Variants in RBPMS observed in about 807,000 individuals in gnomAD.
RBPMS encodes RNA-binding protein with multiple splicing.
A neutral mutation model predicts 26.8 loss-of-function variants in RBPMS; 7 were observed. The ratio of observed to expected loss-of-function variants is 0.26; its 90% CI spans 0.15 to 0.49. RBPMS has a LOEUF of 0.49. Ranked by LOEUF, RBPMS falls within the 20% of genes least tolerant of loss-of-function variation. The probability of loss-of-function intolerance (pLI) is 0.98; values close to 1 mark genes in which losing one functional copy is unlikely to be tolerated. For synonymous variants in RBPMS, 96 were observed against 93.3 expected, an observed-to-expected ratio of 1.03 and a Z score of -0.17; for missense variants, 186 against 250.0, an observed-to-expected ratio of 0.74 and a Z score of 1.73.
chr8:30,555,862 T>G (rs1320300954), intron 6 of RBPMS: 2 of 984,866 alleles, frequency 2.0e-6, no homozygotes, highest in South Asian at 4.7e-5. Context: ...GAGAGAACCC[T>G]CTCCTCATTA....
intron 5 of RBPMS, among the ~76,000 whole-genome samples, chr8:30,521,701 AC>A (rs1033761140): frequency 1.4e-5 from 2 of 139,366 alleles, no homozygotes; most frequent in East Asian, 2.4e-4. Flanking sequence ...CCTCTCCTCT[AC>A]CCCCCTTTTT....
chr8:30,441,262 G>A (rs923157910), intron 1 of RBPMS, among the ~76,000 whole-genome samples: 1 of 152,098 alleles, frequency 6.6e-6, no homozygotes, highest in African/African-American at 2.4e-5. Flanking sequence ...TCTTTCACTT[G>A]CTCCTAAACA....
chr8:30,498,483 G>A (rs544476413), intron 4 of RBPMS, among the ~76,000 whole-genome samples: 27 of 152,330 alleles, frequency 1.8e-4, no homozygotes, highest in Non-Finnish European at 2.5e-4. Flanking sequence ...CAAGGATGGG[G>A]AGAGACTCCA....
At chr8:30,469,319 A>T (rs1216026195) in intron 1 of RBPMS, among the ~76,000 whole-genome samples, 1 of 152,252 alleles carries the variant, frequency 6.6e-6, no homozygotes, top group Non-Finnish European at 1.5e-5. Context: ...AAATGAGAAG[A>T]CAGTCAATAA....
intron 1 of RBPMS, among the ~76,000 whole-genome samples, chr8:30,428,470 G>A (rs1350823269): frequency 6.6e-6 from 1 of 151,966 alleles, no homozygotes; most frequent in Non-Finnish European, 1.5e-5. Flanking sequence ...AAAAAAATCA[G>A]CAGTGTTAAC....
intron 4 of RBPMS, among the ~76,000 whole-genome samples, chr8:30,482,690 A>C (rs928177091): frequency 6.6e-6 from 1 of 152,178 alleles, no homozygotes; most frequent in East Asian, 1.9e-4. Context: ...GAATAACCCA[A>C]ACCCAGACTT....
At chr8:30,546,866 G>A (rs907050172) in intron 6 of RBPMS, among the ~76,000 whole-genome samples, 3 of 152,210 alleles carry the variant, frequency 2.0e-5, no homozygotes, top group Admixed American at 1.3e-4. Flanking sequence ...GAAGATGGAG[G>A]GAGTTACCCA....
intron 6 of RBPMS, chr8:30,555,856 G>C: frequency 3.0e-6 from 3 of 985,050 alleles, no homozygotes; most frequent in Non-Finnish European, 3.6e-6. Flanking sequence ...GGCTAAGAGA[G>C]AACCCTCTCC....
chr8:30,467,057 C>T (rs1478994183), intron 1 of RBPMS, among the ~76,000 whole-genome samples: 1 of 152,204 alleles, frequency 6.6e-6, no homozygotes, highest in Non-Finnish European at 1.5e-5. Flanking sequence ...ACCTGCTTTT[C>T]TTGAAGTCAG....
chr8:30,525,440 A>T (rs1823475081), intron 5 of RBPMS, among the ~76,000 whole-genome samples: 1 of 152,040 alleles, frequency 6.6e-6, no homozygotes, highest in African/African-American at 2.4e-5. Context: ...CTTACCCACA[A>T]CTCCCTATTT....
intron 4 of RBPMS, among the ~76,000 whole-genome samples, chr8:30,502,873 C>T (rs1467362841): frequency 6.6e-6 from 1 of 152,060 alleles, no homozygotes; most frequent in Non-Finnish European, 1.5e-5. Context: ...ATTTAAAAAA[C>T]AAAAATACAA....
chr8:30,435,356 C>G (rs1206454031), intron 1 of RBPMS, among the ~76,000 whole-genome samples: 3 of 152,078 alleles, frequency 2.0e-5, no homozygotes, highest in African/African-American at 7.2e-5. Flanking sequence ...CACTTCTGGT[C>G]CCAGGCATTT....
chr8:30,517,225 TGTGTGTGTGTGTGA>T (rs1435590723), intron 5 of RBPMS, among the ~76,000 whole-genome samples: 2 of 136,660 alleles, frequency 1.5e-5, no homozygotes, highest in East Asian at 4.5e-4. Flanking sequence ...TGTGTGTGTG[TGTGTGTGTGTGTGA>T]AATACCATGT....
At chr8:30,455,749 G>A (rs2150760303) in intron 1 of RBPMS, among the ~76,000 whole-genome samples, 1 of 152,248 alleles carries the variant, frequency 6.6e-6, no homozygotes, top group South Asian at 2.1e-4. Context: ...AATTAGCCAG[G>A]CGTGGTGGTG....
chr8:30,555,890 G>T (rs1161567919), intron 6 of RBPMS: 1 of 985,342 alleles, frequency 1.0e-6, no homozygotes, highest in African/African-American at 1.7e-5. Context: ...ACAGTGATTA[G>T]CGCGGAGCAG....
chr8:30,562,774 C>A (rs540398620), intron 7 of RBPMS, among the ~76,000 whole-genome samples: 1 of 144,558 alleles, frequency 6.9e-6, no homozygotes, highest in South Asian at 2.5e-4. Context: ...CCCCATCTTG[C>A]TTTCCCAGCA....
chr8:30,446,159 A>G (rs1472165220), intron 1 of RBPMS, among the ~76,000 whole-genome samples: 1 of 152,228 alleles, frequency 6.6e-6, no homozygotes, highest in Non-Finnish European at 1.5e-5. Flanking sequence ...TGTCTGGGAT[A>G]TTAACTTTAA....
At chr8:30,538,257 A>C (rs1019903999) in intron 5 of RBPMS, among the ~76,000 whole-genome samples, 1 of 151,840 alleles carries the variant, frequency 6.6e-6, no homozygotes, top group African/African-American at 2.4e-5. Context: ...CTATTCACCC[A>C]ATCTTTTTTT....
chr8:30,488,405 C>T (rs1819020851), intron 4 of RBPMS, among the ~76,000 whole-genome samples: 1 of 152,044 alleles, frequency 6.6e-6, no homozygotes, highest in African/African-American at 2.4e-5. Context: ...TAATGATGTC[C>T]AAATAAAAGA....
Sources: gnomAD v4.1 joint callset for allele counts (sites outside exome capture counted in the v4.1 genomes callset) on GRCh38, gnomAD v4.1.1 for gene constraint, MANE v1.5 for transcripts, NCBI Gene and HGNC (gene_info 2026-07-23, HGNC 2026-07-21) for gene names.